The following TFDP2 variants were observed in gnomAD, a reference collection of about 807,000 sequenced individuals.
TFDP2 encodes transcription factor Dp-2.
Under a neutral mutation model 59.3 loss-of-function variants are expected in TFDP2, and 17 were observed. That is an observed-to-expected ratio of 0.29 (90% confidence interval 0.20 to 0.43). The LOEUF is 0.43. TFDP2 is among the 20% of genes least tolerant of loss of function. TFDP2 has a pLI of 1.00. For synonymous variants in TFDP2, 180 were observed against 194.7 expected (o/e 0.92, Z 0.63); for missense variants, 391 against 528.8 (o/e 0.74, Z 2.56).
intron 1 of TFDP2, 127 bp downstream of exon 1, chr3:142,149,056 A>C (rs1435559821): frequency 1.5e-5 from 6 of 392,952 alleles, no homozygotes; most frequent in African/African-American, 6.2e-5. Context: ...CCCAGGTCTA[A>C]ACAGATGGGA....
intron 3 of TFDP2, among the ~76,000 whole-genome samples, chr3:142,049,684 A>G (rs1239088398): frequency 1.3e-5 from 2 of 152,226 alleles, no homozygotes; most frequent in Non-Finnish European, 2.9e-5. Context: ...TAAACAAAAT[A>G]TTGGTCTATA....
intron 3 of TFDP2, among the ~76,000 whole-genome samples, chr3:142,039,686 C>G (rs1946864003): frequency 6.6e-6 from 1 of 152,126 alleles, no homozygotes; most frequent in African/African-American, 2.4e-5. Flanking sequence ...AAAGCTAAGG[C>G]TGAACCAGGA....
At chr3:142,141,978 C>T (rs2062978146) in intron 1 of TFDP2, among the ~76,000 whole-genome samples, 1 of 152,062 alleles carries the variant, frequency 6.6e-6, no homozygotes, top group African/African-American at 2.4e-5. Flanking sequence ...ATGACAGACC[C>T]ACAGCTAGTA....
intron 4 of TFDP2, among the ~76,000 whole-genome samples, chr3:142,000,613 GTCTTAAC>G (rs1489291639): frequency 1.3e-5 from 2 of 152,112 alleles, no homozygotes; most frequent in Admixed American, 1.3e-4. Flanking sequence ...AGTCTCACAA[GTCTTAAC>G]TCCTTCCCAA....
At chr3:142,040,812 G>C (rs536761410) in intron 3 of TFDP2, among the ~76,000 whole-genome samples, 2 of 152,176 alleles carry the variant, frequency 1.3e-5, no homozygotes, top group South Asian at 4.2e-4. Flanking sequence ...GCTAAGGGAG[G>C]AAAATCACTT....
At chr3:142,098,073 G>A (rs2061218547) in intron 2 of TFDP2, among the ~76,000 whole-genome samples, 1 of 152,140 alleles carries the variant, frequency 6.6e-6, no homozygotes, top group South Asian at 2.1e-4. Context: ...TTACAGGCGT[G>A]AGCCATCGCG....
intron 10 of TFDP2, among the ~76,000 whole-genome samples, chr3:141,961,237 G>GTTTTTTTTTTTTTTTTT (rs1177754086): frequency 1.2e-5 from 1 of 84,680 alleles, no homozygotes; most frequent in African/African-American, 4.8e-5. Flanking sequence ...GTTTTTTGTT[G>GTTTTTTTTTTTTTTTTT]TTTTTTTTTT....
chr3:142,095,600 GCTT>G (rs756934270), intron 2 of TFDP2, among the ~76,000 whole-genome samples: 1 of 152,136 alleles, frequency 6.6e-6, no homozygotes. Flanking sequence ...ACTTTGTCCA[GCTT>G]CTTATCACTT....
intron 3 of TFDP2, among the ~76,000 whole-genome samples, chr3:142,050,290 A>G (rs1947552424): frequency 6.6e-6 from 1 of 150,964 alleles, no homozygotes. Context: ...TAAAAAAAAA[A>G]GATCCTTTAT....
chr3:142,064,655 G>A (rs946505530), intron 3 of TFDP2, among the ~76,000 whole-genome samples: 5 of 152,204 alleles, frequency 3.3e-5, no homozygotes, highest in African/African-American at 9.6e-5. Context: ...ATGTAAATGG[G>A]TCCCAAATGG....
At chr3:142,010,918 A>G (rs1201525363) in intron 3 of TFDP2, among the ~76,000 whole-genome samples, 2 of 121,816 alleles carry the variant, frequency 1.6e-5, no homozygotes, top group Non-Finnish European at 3.4e-5. Flanking sequence ...TAGAATGGCA[A>G]TCATTAAAAA....
intron 1 of TFDP2, among the ~76,000 whole-genome samples, chr3:142,115,315 CTTTTTTT>C (rs906368574): frequency 1.5e-5 from 2 of 130,976 alleles, no homozygotes; most frequent in Non-Finnish European, 3.3e-5. Flanking sequence ...CACGCATTTT[CTTTTTTT>C]TTTTTTTTTT....
At chr3:142,134,335 C>T (rs1156539275) in intron 1 of TFDP2, among the ~76,000 whole-genome samples, 1 of 143,056 alleles carries the variant, frequency 7.0e-6, no homozygotes, top group African/African-American at 2.7e-5. Context: ...GGCAACAGAG[C>T]GAGACCCCAT....
chr3:141,958,947 CTTTTTTTTT>C (rs984082447), intron 11 of TFDP2, among the ~76,000 whole-genome samples: 2 of 103,684 alleles, frequency 1.9e-5, no homozygotes, highest in South Asian at 3.4e-4. Context: ...GATGTACCTA[CTTTTTTTTT>C]TTTTTTTTTT....
At chr3:141,970,560 C>T (rs1016706105) in intron 8 of TFDP2, among the ~76,000 whole-genome samples, 1 of 152,154 alleles carries the variant, frequency 6.6e-6, no homozygotes, top group Non-Finnish European at 1.5e-5. Context: ...TCGAAGGGAA[C>T]GGAGGCATAG....
At chr3:142,001,625 A>G (rs1166086686) in intron 4 of TFDP2, among the ~76,000 whole-genome samples, 1 of 152,152 alleles carries the variant, frequency 6.6e-6, no homozygotes, top group Non-Finnish European at 1.5e-5. Context: ...TATTCTTTAC[A>G]TGGCCAAGCT....
intron 9 of TFDP2, among the ~76,000 whole-genome samples, chr3:141,968,295 AATATATAAT>A (rs1481838391): frequency 2.5e-5 from 3 of 120,810 alleles, no homozygotes; most frequent in Admixed American, 9.0e-5. Context: ...CAATATATAT[AATATATAAT>A]ATATATAACT....
intron 3 of TFDP2, among the ~76,000 whole-genome samples, chr3:142,027,663 A>C (rs1946192724): frequency 6.6e-6 from 1 of 152,228 alleles, no homozygotes; most frequent in South Asian, 2.1e-4. Context: ...ATATCAAAAA[A>C]TAAGACGTGT....
chr3:141,953,156 A>G, intron 11 of TFDP2, 140 bp from the exon 12 acceptor site: 1 of 517,490 alleles, frequency 1.9e-6, no homozygotes, highest in Non-Finnish European at 3.3e-6. Context: ...CTGTGACAAG[A>G]ACCCAGGTTT....
Sources: gnomAD v4.1 joint callset for allele counts (sites outside exome capture counted in the v4.1 genomes callset) on GRCh38, gnomAD v4.1.1 for gene constraint, MANE v1.5 for transcripts, NCBI Gene and HGNC (gene_info 2026-07-23, HGNC 2026-07-21) for gene names.